SLC6A2: variants seen among roughly 807,000 people sequenced by gnomAD.
SLC6A2 encodes the protein sodium-dependent noradrenaline transporter.
In SLC6A2, 26 loss-of-function variants were observed where a neutral mutation model predicts 71.7. That is an observed-to-expected ratio of 0.36 (90% CI 0.27 to 0.50). The LOEUF is 0.50. Among genes scored for constraint, SLC6A2 ranks in the 20% least tolerant of loss-of-function variants. The pLI, the probability that SLC6A2 is intolerant of heterozygous loss-of-function variation, is 0.96. For synonymous variants in SLC6A2, 363 were observed against 337.9 expected, an observed-to-expected ratio of 1.07 and a Z score of -0.82; for missense variants, 581 against 803.9, an observed-to-expected ratio of 0.72 and a Z score of 3.35.
chr16:55,701,472 C>A (rs1239140763), intron 13 of SLC6A2, among the ~76,000 whole-genome samples: 3 of 152,214 alleles, frequency 2.0e-5, no homozygotes, highest in Non-Finnish European at 2.9e-5. Context: ...TGATTCCCTG[C>A]AGGGCCAGAG....
intron 6 of SLC6A2, among the ~76,000 whole-genome samples, chr16:55,693,150 G>T (rs1398043735): frequency 6.6e-6 from 1 of 152,208 alleles, no homozygotes; most frequent in Non-Finnish European, 1.5e-5. Flanking sequence ...ACTTTGGGAG[G>T]CTGAGGCGGG....
rs1186888001 is a variant in SLC6A2 at position 55,704,725 on chromosome 16, T to C, written c.*2379T>C. ...TGCCATTTCCTCTTTGCCATCTGCA[T>C]GTGGCCCCTTCTGCCTCCAGACATT... On this transcript the variant is annotated 3_prime_UTR_variant, in exon 15 of 15. Coordinates refer to ENST00000568943, the MANE Select transcript of SLC6A2 (RefSeq NM_001172501.3). 6.5e-6 allele frequency: 1 copy of C among 153,002 alleles called. No homozygotes were observed. Among genetic ancestry groups the C allele is most frequent in the East Asian group, 1.9e-4 (1 of 5,210 alleles). 9.5% of individuals were successfully genotyped at this position (153,002 alleles called of 1,614,324 possible).
At chr16:55,701,095 C>A (rs975970966) in intron 13 of SLC6A2, among the ~76,000 whole-genome samples, 1 of 152,080 alleles carries the variant, frequency 6.6e-6, no homozygotes, top group Non-Finnish European at 1.5e-5. Context: ...GGGTAGTATT[C>A]GAGGCACTAG....
intron 2 of SLC6A2, among the ~76,000 whole-genome samples, chr16:55,659,524 G>A (rs190195353): frequency 1.1e-4 from 16 of 152,250 alleles, no homozygotes; most frequent in African/African-American, 3.9e-4. Flanking sequence ...TTGGTGGTTT[G>A]TCTCTTTGTG....
In SLC6A2 at chr16:55,705,265, C is replaced by A. The variant is rs747735255; in HGVS notation, c.*2919C>A. The A allele has an allele frequency of 6.5e-7, 1 of 1,535,278 alleles. No individual in the cohort carries two copies. The highest frequency in any genetic ancestry group is 1.2e-5 in the South Asian group (1 of 83,838). ...AGAGCTACCAACTCTTGCCAGATAT[C>A]CTGCTGAACAGAAATCCCTGAAGCT... On this transcript the variant is annotated 3_prime_UTR_variant, in exon 15 of 15. Coordinates refer to ENST00000568943, the MANE Select transcript of SLC6A2 (RefSeq NM_001172501.3).
In SLC6A2 at chr16:55,671,999, C is replaced by T. The variant is rs769118691; in HGVS notation, c.468C>T (p.Ile156=). Residue 156 remains isoleucine (I), a synonymous_variant, in exon 4 of 15, where the codon ATC becomes ATT. Coordinates refer to ENST00000568943, the MANE Select transcript of SLC6A2 (RefSeq NM_001172501.3). The stretch of plus-strand genomic sequence containing the variant: ...TTGGCTTCTACTACAACGTCATCAT[C>T]GCCTGGTCACTCTACTACCTCTTCT... ...LYVGFYYNVI[I]AWSLYYLFSS... is the part of the protein sequence containing the mutation. 4 of 1,614,118 alleles carry T rather than the reference C, an allele frequency of 2.5e-6. No individual in the cohort carries two copies. Among genetic ancestry groups the T allele is most frequent in the East Asian group, 2.2e-5 (1 of 44,868 alleles).
At chr16:55,668,392 G>A (rs1472479101) in intron 2 of SLC6A2, among the ~76,000 whole-genome samples, 1 of 152,146 alleles carries the variant, frequency 6.6e-6, no homozygotes, top group Non-Finnish European at 1.5e-5. Flanking sequence ...GTGAGCTGCT[G>A]GTATCCATTG....
intron 2 of SLC6A2, among the ~76,000 whole-genome samples, chr16:55,658,749 G>A (rs887385291): frequency 1.3e-5 from 2 of 152,308 alleles, no homozygotes; most frequent in African/African-American, 4.8e-5. Context: ...GGGCATCTGA[G>A]GTCTGGGGCC....
chr16:55,685,092 C>T (rs911085338), intron 4 of SLC6A2, 51 bp from the exon 5 acceptor site: 12 of 1,597,622 alleles, frequency 7.5e-6, no homozygotes, highest in South Asian at 3.3e-5. Flanking sequence ...CGGCCTCTGT[C>T]GTCCTCCCTG....
At chr16:55,698,685 A>C in intron 11 of SLC6A2, 117 bp downstream of exon 11, 2 of 756,992 alleles carry the variant, frequency 2.6e-6, no homozygotes, top group Non-Finnish European at 4.8e-6. Context: ...GAGTCCAGCA[A>C]GTCACTTATT....
intron 11 of SLC6A2, among the ~76,000 whole-genome samples, chr16:55,698,923 T>C (rs1965884119): frequency 6.6e-6 from 1 of 152,242 alleles, no homozygotes; most frequent in Non-Finnish European, 1.5e-5. Context: ...TTAGTATAAG[T>C]ATAGCTCAAA....
intron 12 of SLC6A2, 65 bp from the exon 13 acceptor site, chr16:55,700,074 C>T (rs1488878256): frequency 7.0e-7 from 1 of 1,425,336 alleles, no homozygotes; most frequent in African/African-American, 1.4e-5. Flanking sequence ...ACCTCCTTCT[C>T]TCTTTCCTTT....
In SLC6A2 at chr16:55,696,212, A is replaced by T; in HGVS notation, c.1148-13A>T. On this transcript the variant is annotated splice_polypyrimidine_tract_variant and intron_variant, in intron 8 of 14. Coordinates refer to ENST00000568943, the MANE Select transcript of SLC6A2 (RefSeq NM_001172501.3). ...GTTTCAGCCATTGATGAGGTCCTTG[A>T]TGTTTCTTACAGGAGCTGGCCTAGT... 1 of 1,506,880 alleles carries T rather than the reference A, an allele frequency of 6.6e-7. No homozygotes were observed. Among genetic ancestry groups the T allele is most frequent in the Non-Finnish European group, 9.2e-7 (1 of 1,082,294 alleles). 93.3% of individuals were successfully genotyped at this position (1,506,880 alleles called of 1,614,324 possible).
At chr16:55,659,450 G>A (rs537349713) in intron 2 of SLC6A2, among the ~76,000 whole-genome samples, 54 of 152,282 alleles carry the variant, frequency 3.5e-4, no homozygotes, top group African/African-American at 1.2e-3. Context: ...GTCTTTAGGT[G>A]AAGCTGACCG....
chr16:55,680,087 G>T (rs1403669653), intron 4 of SLC6A2, among the ~76,000 whole-genome samples: 2 of 152,190 alleles, frequency 1.3e-5, no homozygotes, highest in Non-Finnish European at 2.9e-5. Context: ...GGGCAAAGTT[G>T]CCTCCAGTGA....
chr16:55,672,320 G>A (rs1964947749), intron 4 of SLC6A2, 145 bp downstream of exon 4: 12 of 1,447,150 alleles, frequency 8.3e-6, no homozygotes, highest in Non-Finnish European at 1.1e-5. Context: ...CTGATGCTGG[G>A]TGAGAGGCTG....
chr16:55,699,702 T>G (rs776856185), intron 12 of SLC6A2, 48 bp downstream of exon 12: 2 of 1,346,328 alleles, frequency 1.5e-6, no homozygotes, highest in South Asian at 1.2e-5. Flanking sequence ...GGGGGCTGTG[T>G]CCAGGATGGA....
chr16:55,668,715 C>T (rs1397583168), intron 2 of SLC6A2, among the ~76,000 whole-genome samples: 2 of 152,176 alleles, frequency 1.3e-5, no homozygotes, highest in African/African-American at 4.8e-5. Context: ...CGTCTAAGTC[C>T]ACCAGGAATT....
At chr16:55,669,798 A>G in intron 3 of SLC6A2, 102 bp downstream of exon 3, 1 of 1,305,158 alleles carries the variant, frequency 7.7e-7, no homozygotes. Context: ...ACCTCCTGTC[A>G]TGTGGGATTC....
Sources: allele counts gnomAD v4.1 joint callset (sites outside exome capture counted in the v4.1 genomes callset), GRCh38; gene constraint gnomAD v4.1.1; transcripts MANE v1.5; gene names NCBI Gene and HGNC (gene_info 2026-07-23, HGNC 2026-07-21).